The following CRYBG1 variants were observed in gnomAD, a reference collection of about 807,000 sequenced individuals.
CRYBG1 encodes beta/gamma crystallin domain-containing protein 1.
CRYBG1 carries 139 observed loss-of-function variants against 189.2 expected under a neutral mutation model. The ratio of observed to expected loss-of-function variants is 0.73; its 90% confidence interval spans 0.64 to 0.85. The LOEUF is 0.85. CRYBG1 is among the 40% of genes least tolerant of loss of function. The pLI, the probability that CRYBG1 is intolerant of heterozygous loss-of-function variation, is 0.00. For missense variants in CRYBG1, 2,611 were observed against 2,675.8 expected, an observed-to-expected ratio of 0.98 and a Z score of 0.53; for synonymous variants, 1,023 against 1,017.1, an observed-to-expected ratio of 1.01 and a Z score of -0.11.
chr6:106,506,543 C>G (rs1773137264), intron 2 of CRYBG1, among the ~76,000 whole-genome samples: 1 of 147,818 alleles, frequency 6.8e-6, no homozygotes, highest in Non-Finnish European at 1.5e-5. Flanking sequence ...ACCTCCGCCT[C>G]CTGGATTGAA....
intron 2 of CRYBG1, among the ~76,000 whole-genome samples, chr6:106,455,269 A>G (rs1208419329): frequency 1.3e-5 from 2 of 152,194 alleles, no homozygotes; most frequent in Non-Finnish European, 1.5e-5. Flanking sequence ...CATATCATGT[A>G]TTATGTGACA....
intron 2 of CRYBG1, among the ~76,000 whole-genome samples, chr6:106,496,521 T>TC (rs1367290215): frequency 6.9e-6 from 1 of 145,250 alleles, no homozygotes; most frequent in Non-Finnish European, 1.6e-5. Flanking sequence ...ATTTTTTTTT[T>TC]TAATCTAGGT....
At chr6:106,389,683 A>T (rs1046184711) in intron 1 of CRYBG1, among the ~76,000 whole-genome samples, 1 of 152,034 alleles carries the variant, frequency 6.6e-6, no homozygotes, top group East Asian at 1.9e-4. Flanking sequence ...AGTAACTTAT[A>T]TATGTTAGCT....
intron 1 of CRYBG1, among the ~76,000 whole-genome samples, chr6:106,443,399 A>G (rs534301159): frequency 5.9e-5 from 9 of 152,322 alleles, no homozygotes; most frequent in Non-Finnish European, 1.3e-4. Context: ...ACAAGGAGTG[A>G]AAAAGAGAAA....
At chr6:106,379,732 A>C (rs922272820) in intron 1 of CRYBG1, among the ~76,000 whole-genome samples, 1 of 151,948 alleles carries the variant, frequency 6.6e-6, no homozygotes, top group African/African-American at 2.4e-5. Flanking sequence ...CTACTTTTAA[A>C]ACAATTTTTG....
At chr6:106,433,895 G>T (rs527933618) in intron 1 of CRYBG1, among the ~76,000 whole-genome samples, 1 of 151,494 alleles carries the variant, frequency 6.6e-6, no homozygotes, top group Non-Finnish European at 1.5e-5. Context: ...CCAAAATTTA[G>T]TGTCTTGAAA....
intron 2 of CRYBG1, among the ~76,000 whole-genome samples, chr6:106,494,519 G>C (rs9486370): frequency 0.55 from 84,222 of 151,976 alleles, 23,692 homozygotes; most frequent in African/African-American, 0.64. Flanking sequence ...ATGAAAGAAA[G>C]AGGAGAACAT....
At chr6:106,423,497 T>C (rs557185791) in intron 1 of CRYBG1, among the ~76,000 whole-genome samples, 45 of 152,174 alleles carry the variant, frequency 3.0e-4, no homozygotes, top group Non-Finnish European at 5.3e-4. Context: ...GTGTTATAGA[T>C]ATAAGCATAA....
In CRYBG1 at chr6:106,568,502, T is replaced by G. The variant is rs1402549694; in HGVS notation, c.6332T>G (p.Ile2111Ser). ...ACACAGTATGATCAAAATCACATTA[T>G]CCTCAACACTGTCAGCAAAGAGAAG... ...GGTQYDQNHI[I>S]LNTVSKEKFT... is the part of the protein sequence containing the mutation. Residue 2111 changes from isoleucine to serine, a missense_variant, in exon 22 of 22, where the codon ATC becomes AGC. Physicochemically the swap from Ile to Ser is moderately radical, Grantham distance 142. This residue lies in a region of CRYBG1 where 1,622 missense variants were observed against 1,735.0 expected (regional missense o/e 0.93). Coordinates refer to ENST00000633556, the MANE Select transcript of CRYBG1 (RefSeq NM_001371242.2). 1.2e-6 allele frequency: 2 copies of G among 1,613,990 alleles called. No individual in the cohort carries two copies. The highest frequency in any genetic ancestry group is 4.5e-5 in the East Asian group (2 of 44,888).
intron 2 of CRYBG1, among the ~76,000 whole-genome samples, chr6:106,454,670 G>A (rs1771848840): frequency 6.6e-6 from 1 of 152,162 alleles, no homozygotes; most frequent in African/African-American, 2.4e-5. Flanking sequence ...TTATAGCTAG[G>A]CAATTTACAT....
rs778458549 is a variant in CRYBG1, at chr6:106,527,413, CGAA to C, written c.4526_4528del (p.Glu1509del). 9.9e-6 allele frequency: 16 copies of C among 1,613,506 alleles called. No homozygotes were observed. The highest frequency in any genetic ancestry group is 1.3e-5 in the African/African-American group (1 of 74,840). On this transcript the variant is annotated inframe_deletion, in exon 7 of 22. Transcript: ENST00000633556. The stretch of plus-strand genomic sequence containing the variant: ...GTATAGAAGACATTTTGGAAAGGCA[CGAA>C]GAAGCAGAGTCTGATAAGCCAGTGG...
intron 2 of CRYBG1, among the ~76,000 whole-genome samples, chr6:106,469,331 C>G (rs774902765): frequency 1.2e-4 from 18 of 152,218 alleles, no homozygotes; most frequent in African/African-American, 4.3e-4. Flanking sequence ...GTACATATTA[C>G]TGTACGATGT....
chr6:106,422,102 A>G (rs111233060), intron 1 of CRYBG1, among the ~76,000 whole-genome samples: 14 of 152,180 alleles, frequency 9.2e-5, no homozygotes, highest in African/African-American at 3.1e-4. Flanking sequence ...GCTTTCTTTC[A>G]GTGTTCTGGG....
chr6:106,418,607 C>T (rs7743247), intron 1 of CRYBG1, among the ~76,000 whole-genome samples: 3,244 of 152,266 alleles, frequency 0.021, 110 homozygotes, highest in African/African-American at 0.065. Context: ...GTTAACTTGC[C>T]GTCATGACAG....
chr6:106,388,790 T>C (rs894797991), intron 1 of CRYBG1, among the ~76,000 whole-genome samples: 16 of 152,196 alleles, frequency 1.1e-4, no homozygotes, highest in Non-Finnish European at 5.9e-5. Context: ...TAAGAAACAA[T>C]ATTTTGGTTA....
At chr6:106,406,581 A>T (rs879161875) in intron 1 of CRYBG1, among the ~76,000 whole-genome samples, 73 of 147,000 alleles carry the variant, frequency 5.0e-4, no homozygotes, top group Middle Eastern at 3.4e-3. Context: ...AAGACACATA[A>T]TCATCAGATT....
chr6:106,421,021 C>T (rs1187138414), intron 1 of CRYBG1, among the ~76,000 whole-genome samples: 2 of 152,066 alleles, frequency 1.3e-5, no homozygotes, highest in Non-Finnish European at 2.9e-5. Flanking sequence ...TCTGAGCTTC[C>T]TGCGATTGTG....
chr6:106,517,363 CATATATACACACACACATAT>C (rs1562099043), intron 3 of CRYBG1, among the ~76,000 whole-genome samples: 9 of 69,980 alleles, frequency 1.3e-4, no homozygotes, highest in African/African-American at 5.0e-4. Flanking sequence ...TATATATACA[CATATATACACACACACATAT>C]ACACACATAT....
chr6:106,549,155 G>A (rs969298461), intron 13 of CRYBG1, among the ~76,000 whole-genome samples: 1 of 151,982 alleles, frequency 6.6e-6, no homozygotes, highest in Non-Finnish European at 1.5e-5. Context: ...TTTTCTTGAT[G>A]TGCAGACACT....
Sources: allele counts gnomAD v4.1 joint callset (sites outside exome capture counted in the v4.1 genomes callset), GRCh38; gene constraint gnomAD v4.1.1; regional missense constraint gnomAD v4.1.1; transcripts MANE v1.5; gene names NCBI Gene and HGNC (gene_info 2026-07-23, HGNC 2026-07-21).